The following PRKAG2 variants were observed in gnomAD, a reference collection of about 807,000 sequenced individuals.
PRKAG2 encodes protein kinase AMP-activated non-catalytic subunit gamma 2.
In PRKAG2, 26 loss-of-function variants were observed where a neutral mutation model predicts 69.6. The ratio of observed to expected loss-of-function variants is 0.37; its 90% CI spans 0.27 to 0.52. The LOEUF (loss-of-function observed/expected upper bound fraction) is 0.52, where lower values mean the gene tolerates loss of function less well. Ranked by LOEUF, PRKAG2 falls within the 20% of genes least tolerant of loss-of-function variation. The probability of loss-of-function intolerance (pLI) is 0.90; values close to 1 mark genes in which losing one functional copy is unlikely to be tolerated. For missense variants in PRKAG2, 557 were observed against 740.0 expected (o/e 0.75, Z 2.87); for synonymous variants, 293 against 285.0 (o/e 1.03, Z -0.28).
intron 1 of PRKAG2, among the ~76,000 whole-genome samples, chr7:151,834,688 A>C (rs2079108632): frequency 6.6e-6 from 1 of 152,202 alleles, no homozygotes; most frequent in Admixed American, 6.5e-5. Context: ...TGAGGTGCAG[A>C]GAGGTTTAAG....
At chr7:151,651,294 G>A (rs1254955820) in intron 4 of PRKAG2, among the ~76,000 whole-genome samples, 2 of 152,128 alleles carry the variant, frequency 1.3e-5, no homozygotes, top group Non-Finnish European at 2.9e-5. Context: ...AATCATGCAT[G>A]GGTGAAAGAT....
chr7:151,844,581 C>T (rs777069114), intron 1 of PRKAG2, among the ~76,000 whole-genome samples: 4 of 152,170 alleles, frequency 2.6e-5, no homozygotes, highest in Non-Finnish European at 4.4e-5. Context: ...AGATACGAAA[C>T]GTAGAACAGA....
rs1278278876 is a variant in PRKAG2, at chr7:151,756,956, C to CG, written c.466+24195dup. 6.6e-6 allele frequency among the ~76,000 whole-genome samples: 1 copy of CG among 152,198 alleles called. No homozygotes were observed. Among genetic ancestry groups the CG allele is most frequent in the Non-Finnish European group, 1.5e-5 (1 of 68,038 alleles). On this transcript the variant is annotated intron_variant, in intron 3 of 15. Transcript: ENST00000287878. The surrounding 1 kb of genome is among the most constrained non-coding windows in gnomAD (Gnocchi z 4.9). ...TTCAGACGGGGTCAGCGCTGCGATT[C>CG]GGGGGAGTAACCAGCGGTGAGCTTC...
chr7:151,872,392 T>C (rs1363979062), intron 1 of PRKAG2, among the ~76,000 whole-genome samples: 1 of 152,208 alleles, frequency 6.6e-6, no homozygotes, highest in Non-Finnish European at 1.5e-5. Flanking sequence ...TGGAATGCTG[T>C]TTTCTTTACC....
chr7:151,747,305 T>A (rs2151727124), intron 3 of PRKAG2, among the ~76,000 whole-genome samples: 1 of 152,290 alleles, frequency 6.6e-6, no homozygotes, highest in African/African-American at 2.4e-5. Flanking sequence ...GCCAGTAATC[T>A]CAGCACTTTG....
At position 151,719,487 on chromosome 7, in the gene PRKAG2, T is replaced by C. The variant is rs6965359; in HGVS notation, c.467-43850A>G. On this transcript the variant is annotated intron_variant, in intron 3 of 15. Coordinates refer to ENST00000287878, the MANE Select transcript of PRKAG2 (RefSeq NM_016203.4). The surrounding 1 kb of genome is among the most constrained non-coding windows in gnomAD (Gnocchi z 5.2). ...TCCCAGCCAATGCCTAAGCGCCGGG[T>C]GCTGGGTCACCCTGAGACTCTCGCT... 1.0e-3 allele frequency among the ~76,000 whole-genome samples: 155 copies of C among 152,050 alleles called. 1 individual carries two copies. The highest frequency in any genetic ancestry group is 3.6e-3 in the African/African-American group (151 of 41,494).
intron 3 of PRKAG2, among the ~76,000 whole-genome samples, chr7:151,683,187 C>A (rs1307649737): frequency 1.3e-5 from 2 of 152,226 alleles, no homozygotes; most frequent in Admixed American, 1.3e-4. Context: ...GGTCCAGACA[C>A]TGGGGAGCCA....
At chr7:151,611,622 C>G (rs1365656512) in intron 5 of PRKAG2, among the ~76,000 whole-genome samples, 1 of 152,152 alleles carries the variant, frequency 6.6e-6, no homozygotes, top group Non-Finnish European at 1.5e-5. Context: ...CGAGCCCACC[C>G]CATCCCACCA....
chr7:151,742,847 T>C (rs1300684733), intron 3 of PRKAG2, among the ~76,000 whole-genome samples: 5 of 152,052 alleles, frequency 3.3e-5, no homozygotes, highest in African/African-American at 1.2e-4. Context: ...GGTCTTTCTG[T>C]TTGACTCACA....
chr7:151,705,244 T>C (rs962999228), intron 3 of PRKAG2, among the ~76,000 whole-genome samples: 20 of 152,236 alleles, frequency 1.3e-4, no homozygotes, highest in Non-Finnish European at 4.4e-5. Context: ...CAGAGTTGGC[T>C]GAGAATATCA....
intron 1 of PRKAG2, among the ~76,000 whole-genome samples, chr7:151,839,029 A>G (rs1320528570): frequency 1.3e-5 from 2 of 148,574 alleles, no homozygotes; most frequent in South Asian, 2.1e-4. Context: ...AAAAAAAAAA[A>G]AATAGAAAAG....
intron 15 of PRKAG2, chr7:151,557,818 C>T (rs971849285): frequency 3.5e-5 from 27 of 775,090 alleles, no homozygotes; most frequent in Admixed American, 1.3e-4. Flanking sequence ...TGCAGTGAGC[C>T]GAGAGATCAT....
intron 1 of PRKAG2, among the ~76,000 whole-genome samples, chr7:151,854,688 C>T (rs1337725106): frequency 6.6e-6 from 1 of 152,222 alleles, no homozygotes; most frequent in Non-Finnish European, 1.5e-5. Flanking sequence ...TCCTGGCTCC[C>T]ACTCCTTGAG....
At chr7:151,809,192 A>C (rs1167386492) in intron 1 of PRKAG2, 3 of 455,770 alleles carry the variant, frequency 6.6e-6, no homozygotes, top group Non-Finnish European at 1.3e-5. Flanking sequence ...ACTAAGGGCA[A>C]ATCCCAAGAG....
In PRKAG2 at chr7:151,867,004, G is replaced by A. The variant is rs114296494; in HGVS notation, c.114+9503C>T. ...GCCACACCAGCCTCTGTCACGTTACGTTGGTTTTCTCACAGCCCCTCCACA... is the reference window on the plus strand; with the variant it reads ...GCCACACCAGCCTCTGTCACGTTACATTGGTTTTCTCACAGCCCCTCCACA... On this transcript the variant is annotated intron_variant, in intron 1 of 15. Transcript: ENST00000287878. 4.2e-4 allele frequency among the ~76,000 whole-genome samples: 64 copies of A among 152,304 alleles called. 1 individual carries two copies. The highest frequency in any genetic ancestry group is 1.4e-3 in the African/African-American group (57 of 41,558).
chr7:151,573,334 T>C (rs917994349), intron 8 of PRKAG2, among the ~76,000 whole-genome samples: 7 of 19,358 alleles, frequency 3.6e-4, no homozygotes, highest in African/African-American at 2.6e-3. Flanking sequence ...TTTTTGTGGG[T>C]TTTTTTTTTT....
chr7:151,852,098 C>T (rs1048477634), intron 1 of PRKAG2, among the ~76,000 whole-genome samples: 20 of 152,302 alleles, frequency 1.3e-4, no homozygotes, highest in African/African-American at 4.3e-4. Flanking sequence ...ACAGGACGGA[C>T]GCACAGGAAC....
intron 4 of PRKAG2, among the ~76,000 whole-genome samples, chr7:151,652,311 A>G (rs1208012514): frequency 1.3e-5 from 2 of 152,176 alleles, no homozygotes; most frequent in Non-Finnish European, 2.9e-5. Flanking sequence ...AACCAAAACA[A>G]CATATGGCAA....
intron 11 of PRKAG2, among the ~76,000 whole-genome samples, chr7:151,566,993 C>T (rs1806407150): frequency 6.6e-6 from 1 of 152,190 alleles, no homozygotes; most frequent in Admixed American, 6.5e-5. Flanking sequence ...GAGGCAACTT[C>T]CTCTCCTTTT....
Sources: gnomAD v4.1 joint callset for allele counts (sites outside exome capture counted in the v4.1 genomes callset) on GRCh38, gnomAD v4.1.1 for gene constraint, Gnocchi (gnomAD v3.1) non-coding constraint, MANE v1.5 for transcripts, NCBI Gene and HGNC (gene_info 2026-07-23, HGNC 2026-07-21) for gene names.